ASPSCR1: variants seen among roughly 807,000 people sequenced by gnomAD.
ASPSCR1 encodes the protein ASPSCR1 tether for SLC2A4, UBX domain containing.
A neutral mutation model predicts 68.9 loss-of-function variants in ASPSCR1; 55 were observed. The ratio of observed to expected loss-of-function variants is 0.80; its 90% CI spans 0.64 to 1.00. The LOEUF (loss-of-function observed/expected upper bound fraction) is 1.00. Ranked by LOEUF, ASPSCR1 falls within the 50% of genes least tolerant of loss-of-function variation. ASPSCR1 has a pLI of 0.00. For synonymous variants in ASPSCR1, 352 were observed against 332.6 expected, an observed-to-expected ratio of 1.06 and a Z score of -0.63; for missense variants, 765 against 762.2, an observed-to-expected ratio of 1.00 and a Z score of -0.04.
Position 81,983,416 on chromosome 17 carries a change from G to A in ASPSCR1, c.159-138G>A, listed in dbSNP as rs1182564529. 1.4e-5 allele frequency: 10 copies of A among 703,270 alleles called. No homozygotes were observed. In the East Asian group the frequency reaches 1.9e-4, roughly 14 times the overall value. 43.6% of individuals were successfully genotyped at this position (703,270 alleles called of 1,614,324 possible). ...CCTCTGCAGGTCATGACGTCCCGCT[G>A]TTGGGGAGCTGCCACAGGACGTGGA... is the stretch of plus-strand genomic sequence containing the variant. On this transcript the variant is annotated intron_variant, in intron 2 of 15. Transcript: ENST00000306739. The surrounding 1 kb of genome is among the most constrained non-coding windows in gnomAD (Gnocchi z 4.4).
At chr17:81,979,307 C>G in intron 2 of ASPSCR1, 68 bp downstream of exon 2, 2 of 1,544,520 alleles carry the variant, frequency 1.3e-6, no homozygotes, top group Non-Finnish European at 1.8e-6. Context: ...AACATACTGG[C>G]TCTCACTTGG....
intron 12 of ASPSCR1, chr17:82,015,380 C>T (rs757683241): frequency 6.3e-7 from 1 of 1,588,590 alleles, no homozygotes; most frequent in Non-Finnish European, 8.5e-7. Flanking sequence ...CTCAGTGCTC[C>T]CTGCACAGAG....
intron 4 of ASPSCR1, among the ~76,000 whole-genome samples, chr17:81,992,237 G>A (rs1385285321): frequency 5.3e-5 from 8 of 152,366 alleles, no homozygotes; most frequent in Non-Finnish European, 7.3e-5. Context: ...AGAGGTCTGC[G>A]TGGGGGAGGG....
chr17:82,008,967 G>A, intron 7 of ASPSCR1, 70 bp from the exon 8 acceptor site: 1 of 1,426,662 alleles, frequency 7.0e-7, no homozygotes, highest in Non-Finnish European at 9.1e-7. Flanking sequence ...CTCGGCTGGG[G>A]CACTGACAGC....
intron 2 of ASPSCR1, among the ~76,000 whole-genome samples, chr17:81,980,168 A>G: frequency 6.6e-6 from 1 of 152,182 alleles, no homozygotes. Flanking sequence ...TTTTTAGTAG[A>G]GATGGGGTTT....
Position 82,016,520 on chromosome 17 carries a change from G to C in ASPSCR1, c.1398G>C (p.Glu466Asp), listed in dbSNP as rs1194121029. 1 of 1,549,184 alleles carries C rather than the reference G, an allele frequency of 6.5e-7. No individual in the cohort carries two copies. ...PAALVHLGAE[E>D]PAGVYLEPGL... ...CTCTGGTGCACTTGGGAGCCGAGGA[G>C]CCGGCAGGTGAGTGTCAGTGGTTGG... The change falls in exon 13 of 16, where the codon GAG (glutamate) becomes GAC (aspartate). Residue 466 changes from glutamate to aspartate, a missense_variant. Transcript: ENST00000306739.
At chr17:81,992,876 G>A (rs1000526989) in intron 4 of ASPSCR1, among the ~76,000 whole-genome samples, 16 of 152,310 alleles carry the variant, frequency 1.1e-4, no homozygotes, top group African/African-American at 2.9e-4. Flanking sequence ...TGTGTGGTGC[G>A]CACGTGCTCC....
Position 81,996,059 on chromosome 17 carries a change from C to T in ASPSCR1, c.500C>T (p.Thr167Ile). ...QSLGLTGGSA[T>I]IRFVMKCYDP... ...CTGGGCCTGACCGGGGGCAGCGCCACCATCAGGTAAGGGCAGTGCTGCTGG... is the reference window on the plus strand; with the variant it reads ...CTGGGCCTGACCGGGGGCAGCGCCATCATCAGGTAAGGGCAGTGCTGCTGG... The change falls in exon 6 of 16, where the codon ACC (threonine) becomes ATC (isoleucine). Residue 167 changes from threonine (T) to isoleucine (I), a missense_variant. Coordinates refer to ENST00000306739, the MANE Select transcript of ASPSCR1 (RefSeq NM_024083.4). The T allele has an allele frequency of 6.2e-7, 1 of 1,608,346 alleles. No individual in the cohort carries two copies. Among genetic ancestry groups the T allele is most frequent in the Non-Finnish European group, 8.5e-7 (1 of 1,178,404 alleles).
In ASPSCR1 at chr17:81,983,920, C is replaced by A. The variant is rs1012792377; in HGVS notation, c.273+252C>A. Among the ~76,000 whole-genome samples, 6 of 151,514 alleles carry A rather than the reference C, an allele frequency of 4.0e-5. No homozygotes were observed. The highest frequency in any genetic ancestry group is 1.5e-4 in the African/African-American group (6 of 41,190). On this transcript the variant is annotated intron_variant, in intron 3 of 15. Transcript: ENST00000306739. The surrounding 1 kb of genome is among the most constrained non-coding windows in gnomAD (Gnocchi z 4.4). ...TCGCCCAGGCTGGAGCTCAGTGGCG[C>A]AGTCTCGGCTCACTTCAAGCTCCGC...
intron 7 of ASPSCR1, chr17:82,008,570 G>A (rs2042800540): frequency 6.3e-6 from 1 of 158,380 alleles, no homozygotes; most frequent in Admixed American, 6.5e-5. Flanking sequence ...GGTGGGCAGA[G>A]GGAGGGGCCG....
intron 7 of ASPSCR1, among the ~76,000 whole-genome samples, chr17:81,998,548 C>T (rs2042430575): frequency 6.6e-6 from 1 of 152,072 alleles, no homozygotes; most frequent in South Asian, 2.1e-4. Context: ...TATAAAAAGC[C>T]TTTATCAAGC....
intron 2 of ASPSCR1, among the ~76,000 whole-genome samples, chr17:81,980,021 C>T (rs927464995): frequency 1.3e-5 from 2 of 152,148 alleles, no homozygotes; most frequent in Admixed American, 6.5e-5. Context: ...TCACTCTTGT[C>T]GCCCAGGCTG....
chr17:82,001,860 G>A (rs1476976322), intron 7 of ASPSCR1, among the ~76,000 whole-genome samples: 3 of 152,176 alleles, frequency 2.0e-5, no homozygotes, highest in South Asian at 2.1e-4. Context: ...CTGCCTGTCC[G>A]GGGGTGTTGG....
In ASPSCR1 at chr17:82,016,831, T is replaced by C. The variant is rs1204779142; in HGVS notation, c.1437T>C (p.His479=). 6.2e-7 allele frequency: 1 copy of C among 1,611,606 alleles called. No individual in the cohort carries two copies. The highest frequency in any genetic ancestry group is 1.7e-5 in the Admixed American group (1 of 60,016). ...GVYLEPGLLE[H]AISPSAADVL... The stretch of plus-strand genomic sequence containing the variant: ...ACCTGGAGCCTGGCCTGCTGGAGCA[T>C]GCCATCTCCCCATCTGCGGCCGATG... The change falls in exon 14 of 16, where the codon CAT becomes CAC. Residue 479 remains histidine (H), a synonymous_variant. Coordinates refer to ENST00000306739, the MANE Select transcript of ASPSCR1 (RefSeq NM_024083.4).
At chr17:81,997,144 G>GTGTGGGCTCCGGGATGAGGCCA (rs1567973481) in intron 7 of ASPSCR1, among the ~76,000 whole-genome samples, 3 of 152,160 alleles carry the variant, frequency 2.0e-5, no homozygotes, top group South Asian at 2.1e-4. Flanking sequence ...GGATGAGGCC[G>GTGTGGGCTCCGGGATGAGGCCA]TGTTGGCTCC....
rs191808455 is a variant in ASPSCR1 at position 82,009,534 on chromosome 17, G to A, written c.1137G>A (p.Ala379=). The change falls in exon 9 of 16, where the codon GCG becomes GCA. Residue 379 remains alanine, a synonymous_variant. Transcript: ENST00000306739. Reference sequence around the variant, plus strand: ...TGGTGACCAAGGCCTTCAGGGAGGCGCAGATAAAGGAGAAGCTGGAGCGCT... The same window carrying A: ...TGGTGACCAAGGCCTTCAGGGAGGCACAGATAAAGGAGAAGCTGGAGCGCT... ...APLVTKAFRE[A]QIKEKLERYP... 6.9e-6 allele frequency: 11 copies of A among 1,586,442 alleles called. No individual in the cohort carries two copies. The highest frequency in any genetic ancestry group is 2.3e-5 in the East Asian group (1 of 43,156).
intron 7 of ASPSCR1, among the ~76,000 whole-genome samples, chr17:82,004,039 C>T (rs1437338634): frequency 6.6e-6 from 1 of 152,236 alleles, no homozygotes; most frequent in African/African-American, 2.4e-5. Context: ...GCTGGAAACT[C>T]TGAGGTTGGG....
rs1598377013 is a variant in ASPSCR1 at position 81,977,771 on chromosome 17, G to C, written c.102+23G>C. ...CAGGTGCGGCCGCCCGCCCGGGGCG[G>C]ACGGGTAGGCGGGCGGGGGGCGCTG... is the stretch of plus-strand genomic sequence containing the variant. On this transcript the variant is annotated intron_variant, in intron 1 of 15. Coordinates refer to ENST00000306739, the MANE Select transcript of ASPSCR1 (RefSeq NM_024083.4). The surrounding 1 kb of genome is among the most constrained non-coding windows in gnomAD (Gnocchi z 5.0). The C allele has an allele frequency of 2.5e-6, 3 of 1,215,778 alleles. No homozygotes were observed. The African/African-American group carries it at 4.7e-5, about 19-fold the overall frequency. The allele number at this position is 1,215,778 out of a possible 1,614,324, so 75.3% of individuals were successfully genotyped here.
At chr17:82,015,429 C>T (rs766844361) in intron 12 of ASPSCR1, 10 of 1,497,780 alleles carry the variant, frequency 6.7e-6, no homozygotes, top group South Asian at 1.3e-5. Flanking sequence ...GCCTGGCTGC[C>T]AAGCCTACTT....
Sources: gnomAD v4.1 joint callset for allele counts (sites outside exome capture counted in the v4.1 genomes callset) on GRCh38, gnomAD v4.1.1 for gene constraint, Gnocchi (gnomAD v3.1) non-coding constraint, MANE v1.5 for transcripts, NCBI Gene and HGNC (gene_info 2026-07-23, HGNC 2026-07-21) for gene names.